The following DPT variants were observed in gnomAD, a reference collection of about 807,000 sequenced individuals.
The protein encoded by DPT is dermatopontin.
In DPT, 21 loss-of-function variants were observed where a neutral mutation model predicts 31.2. The ratio of observed to expected loss-of-function variants is 0.67; its 90% CI spans 0.48 to 0.97. The LOEUF is 0.97. DPT is among the 50% of genes least tolerant of loss of function. DPT has a pLI of 0.00. For missense variants in DPT, 262 were observed against 258.8 expected, an observed-to-expected ratio of 1.01 and a Z score of -0.08; for synonymous variants, 91 against 86.9, an observed-to-expected ratio of 1.05 and a Z score of -0.26.
intron 2 of DPT, among the ~76,000 whole-genome samples, chr1:168,711,285 G>T (rs1440852994): frequency 2.0e-5 from 3 of 151,918 alleles, no homozygotes; most frequent in Non-Finnish European, 2.9e-5. Context: ...CTCCCAAAGT[G>T]CTGGGATTAC....
chr1:168,727,022 C>A (rs1404334404), intron 1 of DPT, among the ~76,000 whole-genome samples: 2 of 152,204 alleles, frequency 1.3e-5, no homozygotes. Context: ...GTCCTGGTAA[C>A]CAAGTAGGGA....
At chr1:168,707,223 C>T (rs980698437) in intron 2 of DPT, among the ~76,000 whole-genome samples, 7 of 152,060 alleles carry the variant, frequency 4.6e-5, no homozygotes, top group South Asian at 2.1e-4. Flanking sequence ...CACAGGAACA[C>T]GTGGTAAGTG....
intron 2 of DPT, among the ~76,000 whole-genome samples, chr1:168,702,161 C>T (rs1358749961): frequency 6.6e-6 from 1 of 152,158 alleles, no homozygotes; most frequent in Non-Finnish European, 1.5e-5. Flanking sequence ...CCCAGGGACG[C>T]TTGGAAAACA....
chr1:168,717,896 T>G, intron 1 of DPT, among the ~76,000 whole-genome samples: 1 of 152,200 alleles, frequency 6.6e-6, no homozygotes, highest in South Asian at 2.1e-4. Flanking sequence ...AGGCTCATGA[T>G]ATGGTGGAAA....
chr1:168,714,110 G>T (rs1042721508), intron 2 of DPT, 111 bp downstream of exon 2: 4 of 1,426,822 alleles, frequency 2.8e-6, no homozygotes, highest in African/African-American at 1.4e-5. Context: ...ATATGCCAGC[G>T]CTGCCTTCCA....
At position 168,728,948 on chromosome 1, in the gene DPT, G is replaced by A. The variant is rs533428139; in HGVS notation, c.227C>T (p.Ala76Val). The change falls in exon 1 of 4, where the codon GCC (alanine) becomes GTC (valine). Residue 76 changes from alanine (A) to valine (V), a missense_variant. Physicochemically the swap from Ala to Val is moderately conservative, Grantham distance 64. Coordinates refer to ENST00000367817, the MANE Select transcript of DPT (RefSeq NM_001937.5). ...GAGGCTCTGTGGCGTGGGCATGCAG[G>A]CGTAGTTCCATTGTCTGTCAGAACC... ...KEGSDRQWNY[A>V]CMPTPQSLGE... The A allele has an allele frequency of 6.2e-7, 1 of 1,614,210 alleles. No individual in the cohort carries two copies. The highest frequency in any genetic ancestry group is 2.2e-5 in the East Asian group (1 of 44,892).
At chr1:168,712,620 C>T (rs1193165842) in intron 2 of DPT, among the ~76,000 whole-genome samples, 1 of 152,192 alleles carries the variant, frequency 6.6e-6, no homozygotes, top group East Asian at 1.9e-4. Flanking sequence ...CCTACCTACT[C>T]TCCCCTTTCA....
intron 1 of DPT, among the ~76,000 whole-genome samples, chr1:168,727,791 G>C (rs1056365933): frequency 6.6e-6 from 1 of 151,822 alleles, no homozygotes; most frequent in Admixed American, 6.6e-5. Context: ...TCCCTCCCCA[G>C]CCTCCCAAAG....
intron 1 of DPT, among the ~76,000 whole-genome samples, chr1:168,714,888 C>T (rs1649944407): frequency 6.6e-6 from 1 of 152,204 alleles, no homozygotes; most frequent in Non-Finnish European, 1.5e-5. Context: ...TGAATGTGCC[C>T]AGGGCAGCCC....
At chr1:168,707,801 ATGT>A (rs1253103800) in intron 2 of DPT, among the ~76,000 whole-genome samples, 2 of 152,084 alleles carry the variant, frequency 1.3e-5, no homozygotes, top group African/African-American at 4.8e-5. Context: ...TGTGAAGGAC[ATGT>A]TTGCTTCTCC....
chr1:168,714,073 T>G (rs1306333773), intron 2 of DPT, 148 bp downstream of exon 2: 26 of 1,052,028 alleles, frequency 2.5e-5, no homozygotes, highest in Non-Finnish European at 3.5e-5. Flanking sequence ...GGGAACATCC[T>G]CCTAAGTCAT....
intron 1 of DPT, among the ~76,000 whole-genome samples, chr1:168,718,276 C>T (rs572686701): frequency 3.3e-5 from 5 of 152,234 alleles, no homozygotes; most frequent in Non-Finnish European, 7.3e-5. Flanking sequence ...TCATGGAGTA[C>T]CAGTTCTGAA....
intron 2 of DPT, among the ~76,000 whole-genome samples, chr1:168,712,104 T>C (rs554231458): frequency 6.6e-5 from 10 of 152,336 alleles, no homozygotes; most frequent in South Asian, 6.2e-4. Flanking sequence ...AGCACTATAC[T>C]GGGCATTGAA....
intron 2 of DPT, among the ~76,000 whole-genome samples, chr1:168,702,497 A>G (rs570016394): frequency 1.3e-5 from 2 of 152,268 alleles, no homozygotes; most frequent in Admixed American, 6.5e-5. Context: ...AAAGTGAGGT[A>G]CCTGTGTTTT....
At position 168,695,948 on chromosome 1, in the gene DPT, G is replaced by T; in HGVS notation, c.*601C>A. On this transcript the variant is annotated 3_prime_UTR_variant, in exon 4 of 4. Transcript: ENST00000367817. Reference sequence around the variant, plus strand: ...GGAAATCCTTCCAACCCTGTTTTCAGCTCTGCCTCCAAACCCTTCCATTTC... The same window carrying T: ...GGAAATCCTTCCAACCCTGTTTTCATCTCTGCCTCCAAACCCTTCCATTTC... The T allele has an allele frequency of 2.6e-6, 1 of 378,504 alleles. No homozygotes were observed. The allele number at this position is 378,504 out of a possible 1,614,324, so 23.4% of individuals were successfully genotyped here.
intron 3 of DPT, among the ~76,000 whole-genome samples, chr1:168,697,409 A>G (rs1649489741): frequency 1.3e-5 from 2 of 152,244 alleles, no homozygotes; most frequent in African/African-American, 4.8e-5. Flanking sequence ...GCTACAGAGG[A>G]ATGAAAAAGT....
rs1378808348 is a variant in DPT at position 168,728,920 on chromosome 1, C to T, written c.255G>A (p.Gly85=). 1 of 1,614,180 alleles carries T rather than the reference C, an allele frequency of 6.2e-7. No individual in the cohort carries two copies. The highest frequency in any genetic ancestry group is 8.5e-7 in the Non-Finnish European group (1 of 1,180,018). ...YACMPTPQSL[G]EPTECWWEEI... ...CCTCCCACCAGCACTCCGTGGGTTC[C>T]CCGAGGCTCTGTGGCGTGGGCATGC... The change falls in exon 1 of 4, where the codon GGG becomes GGA. Residue 85 remains glycine, a synonymous_variant. Transcript: ENST00000367817.
intron 1 of DPT, among the ~76,000 whole-genome samples, chr1:168,722,882 ACG>A (rs1553203815): frequency 7.3e-6 from 1 of 137,874 alleles, no homozygotes; most frequent in African/African-American, 2.6e-5. Flanking sequence ...ACACACACAC[ACG>A]ATATCTTAAC....
At chr1:168,711,326 A>T (rs1178953440) in intron 2 of DPT, among the ~76,000 whole-genome samples, 1 of 151,920 alleles carries the variant, frequency 6.6e-6, no homozygotes, top group East Asian at 1.9e-4. Context: ...GGCCTTGACA[A>T]ATTTTCTAAA....
Sources: allele counts gnomAD v4.1 joint callset (sites outside exome capture counted in the v4.1 genomes callset), GRCh38; gene constraint gnomAD v4.1.1; transcripts MANE v1.5; gene names NCBI Gene and HGNC (gene_info 2026-07-23, HGNC 2026-07-21).